The following RBFOX1 variants were observed in gnomAD, a reference collection of about 807,000 sequenced individuals.
The protein encoded by RBFOX1 is RNA binding protein fox-1 homolog 1.
A neutral mutation model predicts 57.7 loss-of-function variants in RBFOX1; 8 were observed. That is an observed-to-expected ratio of 0.14 (90% CI 0.08 to 0.25). RBFOX1 has a LOEUF of 0.25. Among genes scored for constraint, RBFOX1 ranks in the 10% least tolerant of loss-of-function variants. The probability of loss-of-function intolerance (pLI) is 1.00; values close to 1 mark genes in which losing one functional copy is unlikely to be tolerated. For synonymous variants in RBFOX1, 326 were observed against 222.4 expected (o/e 1.47, Z -4.15); for missense variants, 611 against 548.5 (o/e 1.11, Z -1.14).
chr16:6,176,474 T>G (rs373033090), intron 1 of RBFOX1, among the ~76,000 whole-genome samples: 93 of 151,778 alleles, frequency 6.1e-4, no homozygotes, highest in African/African-American at 2.2e-3. Context: ...ATTGAGGAAT[T>G]TAGTTAAAGT....
At chr16:6,915,354 C>T (rs566001089) in intron 3 of RBFOX1, among the ~76,000 whole-genome samples, 1 of 152,156 alleles carries the variant, frequency 6.6e-6, no homozygotes, top group Non-Finnish European at 1.5e-5. Context: ...GAAGCTTGCT[C>T]TACAGATTAG....
chr16:5,911,806 C>G (rs896310430), intron 4 of RBFOX1, among the ~76,000 whole-genome samples: 1 of 152,112 alleles, frequency 6.6e-6, no homozygotes, highest in African/African-American at 2.4e-5. Flanking sequence ...GGGGAGCTCT[C>G]TAGGACTTCT....
chr16:7,054,217 G>GA (rs888399957), intron 4 of RBFOX1, among the ~76,000 whole-genome samples: 5 of 104,646 alleles, frequency 4.8e-5, no homozygotes, highest in African/African-American at 1.4e-4. Flanking sequence ...TTTTTTCGGG[G>GA]GGGGGGGGCG....
At chr16:5,460,034 G>C (rs532377833) in intron 1 of RBFOX1, among the ~76,000 whole-genome samples, 24 of 152,266 alleles carry the variant, frequency 1.6e-4, no homozygotes, top group Middle Eastern at 6.8e-3. Flanking sequence ...GTCTGATTCT[G>C]TTTCCTAAAA....
At chr16:7,267,707 T>G (rs1036096582) in intron 4 of RBFOX1, among the ~76,000 whole-genome samples, 49 of 151,802 alleles carry the variant, frequency 3.2e-4, no homozygotes, top group African/African-American at 1.2e-3. Flanking sequence ...ATACAAAAAA[T>G]TAACTGGTTG....
chr16:5,366,269 C>G (rs186601819), intron 1 of RBFOX1: 1 of 384,412 alleles, frequency 2.6e-6, no homozygotes, highest in African/African-American at 2.1e-5. Flanking sequence ...AACTTGCTGC[C>G]GATGAAGATG....
chr16:7,083,887 G>A (rs1017252733), intron 4 of RBFOX1, among the ~76,000 whole-genome samples: 1 of 152,066 alleles, frequency 6.6e-6, no homozygotes, highest in Admixed American at 6.5e-5. Context: ...GTGACTCTGT[G>A]GTGAAGCTAG....
intron 2 of RBFOX1, among the ~76,000 whole-genome samples, chr16:6,408,747 C>A (rs2093366193): frequency 6.6e-6 from 1 of 152,108 alleles, no homozygotes; most frequent in South Asian, 2.1e-4. Flanking sequence ...AAATTGAATT[C>A]ACAGGTCAAA....
intron 2 of RBFOX1, among the ~76,000 whole-genome samples, chr16:6,379,211 G>C (rs912143516): frequency 6.6e-6 from 1 of 152,136 alleles, no homozygotes; most frequent in Non-Finnish European, 1.5e-5. Flanking sequence ...ACCCAGCTGA[G>C]ATTTGCAGGT....
At chr16:6,754,948 T>G (rs968898289) in intron 3 of RBFOX1, among the ~76,000 whole-genome samples, 4 of 152,168 alleles carry the variant, frequency 2.6e-5, no homozygotes, top group Admixed American at 6.5e-5. Context: ...ACTGAGAATA[T>G]GCGGTGTTTG....
At chr16:5,976,646 A>G (rs576544974) in intron 4 of RBFOX1, among the ~76,000 whole-genome samples, 1 of 152,270 alleles carries the variant, frequency 6.6e-6, no homozygotes, top group East Asian at 1.9e-4. Context: ...AGGTAGACAG[A>G]TTACTTGAGG....
chr16:7,678,208 G>A (rs528511020), intron 14 of RBFOX1, among the ~76,000 whole-genome samples: 1 of 152,236 alleles, frequency 6.6e-6, no homozygotes, highest in Admixed American at 6.5e-5. Flanking sequence ...TCAAGACAAG[G>A]TTCTCAATAC....
intron 14 of RBFOX1, among the ~76,000 whole-genome samples, chr16:7,695,658 A>C (rs1437950770): frequency 1.3e-5 from 2 of 151,464 alleles, no homozygotes; most frequent in Non-Finnish European, 1.5e-5. Flanking sequence ...TCAAAAAAAA[A>C]AAAAAAAAAA....
intron 4 of RBFOX1, among the ~76,000 whole-genome samples, chr16:7,217,660 T>G (rs879720685): frequency 2.0e-5 from 3 of 152,204 alleles, no homozygotes; most frequent in Non-Finnish European, 2.9e-5. Flanking sequence ...AGTGTTTATT[T>G]GTTTTTAATC....
chr16:5,337,806 A>G (rs942988172), intron 1 of RBFOX1, among the ~76,000 whole-genome samples: 1 of 152,166 alleles, frequency 6.6e-6, no homozygotes, highest in Non-Finnish European at 1.5e-5. Context: ...GGACTTTTGG[A>G]ATATAAATTA....
At chr16:5,301,499 G>A (rs905270104) in intron 1 of RBFOX1, among the ~76,000 whole-genome samples, 1 of 151,232 alleles carries the variant, frequency 6.6e-6, no homozygotes, top group Non-Finnish European at 1.5e-5. Flanking sequence ...GGCGCCTGTA[G>A]TCCCAGCTAC....
At chr16:6,570,815 T>C (rs2097334708) in intron 2 of RBFOX1, among the ~76,000 whole-genome samples, 1 of 152,190 alleles carries the variant, frequency 6.6e-6, no homozygotes, top group Non-Finnish European at 1.5e-5. Context: ...ACTATTTTAC[T>C]TTTAAAGACT....
intron 4 of RBFOX1, among the ~76,000 whole-genome samples, chr16:7,147,387 C>G (rs12921393): frequency 0.36 from 54,362 of 150,738 alleles, 10,164 homozygotes; most frequent in African/African-American, 0.48. Flanking sequence ...CTGCATGTTC[C>G]TGAAGTTTGG....
intron 2 of RBFOX1, among the ~76,000 whole-genome samples, chr16:6,491,143 CTT>C (rs2095623664): frequency 6.6e-6 from 1 of 151,490 alleles, no homozygotes. Flanking sequence ...AGATATGTAA[CTT>C]ATGTATAGAC....
Sources: gnomAD v4.1 joint callset for allele counts (sites outside exome capture counted in the v4.1 genomes callset) on GRCh38, gnomAD v4.1.1 for gene constraint, MANE v1.5 for transcripts, NCBI Gene and HGNC (gene_info 2026-07-23, HGNC 2026-07-21) for gene names.